Variants in SGCD observed in about 807,000 individuals in gnomAD.
The protein encoded by SGCD is sarcoglycan delta.
Under a neutral mutation model 36.6 loss-of-function variants are expected in SGCD, and 18 were observed. That is an observed-to-expected ratio of 0.49 (90% CI 0.34 to 0.73). The LOEUF (loss-of-function observed/expected upper bound fraction) is 0.73. SGCD is among the 30% of genes least tolerant of loss of function. SGCD has a pLI of 0.01. For missense variants in SGCD, 387 were observed against 346.7 expected, an observed-to-expected ratio of 1.12 and a Z score of -0.92; for synonymous variants, 133 against 130.6, an observed-to-expected ratio of 1.02 and a Z score of -0.12.
chr5:155,738,842 AGAGT>A, the SGCD span, among the ~76,000 whole-genome samples: 3 of 142,910 alleles, frequency 2.1e-5, no homozygotes, highest in Non-Finnish European at 4.6e-5. Flanking sequence ...AGACTGTGAG[AGAGT>A]ATGTATATGA....
chr5:155,804,213 T>C, the SGCD span, among the ~76,000 whole-genome samples: 2 of 152,198 alleles, frequency 1.3e-5, no homozygotes, highest in African/African-American at 4.8e-5. Context: ...AGTCTCTGTC[T>C]TCAAAGCATA....
At chr5:156,546,130 A>T (rs1380869447) in intron 4 of SGCD, among the ~76,000 whole-genome samples, 1 of 152,174 alleles carries the variant, frequency 6.6e-6, no homozygotes, top group African/African-American at 2.4e-5. Flanking sequence ...GCAATAAAAA[A>T]CACACCTACT....
At position 156,579,161 on chromosome 5, in the gene SGCD, C is replaced by T. The variant is rs531582307; in HGVS notation, c.295-10070C>T. ...AACATCCTTATTTCTGCCTTCATTT[C>T]GTGATGTACCCAGTAGTCATTCAGG... On this transcript the variant is annotated intron_variant, in intron 4 of 8. Coordinates refer to ENST00000337851, the MANE Select transcript of SGCD (RefSeq NM_000337.6). Among the ~76,000 whole-genome samples, 89 of 152,258 alleles carry T rather than the reference C, an allele frequency of 5.8e-4. 1 individual carries two copies. The highest frequency in any genetic ancestry group is 1.9e-3 in the African/African-American group (78 of 41,548).
chr5:156,592,920 T>C lies in SGCD; in HGVS notation c.383-2012T>C, dbSNP rs192093101. 2.0e-5 allele frequency among the ~76,000 whole-genome samples: 3 copies of C among 152,296 alleles called. No individual in the cohort carries two copies. In the East Asian group the frequency reaches 5.8e-4, roughly 29 times the overall value. On this transcript the variant is annotated intron_variant, in intron 5 of 8. Coordinates refer to ENST00000337851, the MANE Select transcript of SGCD (RefSeq NM_000337.6). ...TATGTGAGTAAGGAGAGTGCACTAATAAGTACTCATCATGCATTCTTTTCC... is the reference window on the plus strand; with the variant it reads ...TATGTGAGTAAGGAGAGTGCACTAACAAGTACTCATCATGCATTCTTTTCC...
At chr5:156,693,527 T>C (rs1754194073) in intron 7 of SGCD, among the ~76,000 whole-genome samples, 1 of 152,100 alleles carries the variant, frequency 6.6e-6, no homozygotes, top group Non-Finnish European at 1.5e-5. Flanking sequence ...TATGAGAAAA[T>C]ACTCTTTAGG....
chr5:156,232,507 T>C (rs971390063), intron 3 of SGCD, among the ~76,000 whole-genome samples: 3 of 152,214 alleles, frequency 2.0e-5, no homozygotes, highest in African/African-American at 7.2e-5. Context: ...ACACTCTATC[T>C]GGTGACTTAA....
the SGCD span, among the ~76,000 whole-genome samples, chr5:155,765,304 G>A: frequency 6.8e-6 from 1 of 146,326 alleles, no homozygotes; most frequent in East Asian, 2.1e-4. Context: ...AAGAAAGAAA[G>A]AAAAAGGAAG....
chr5:156,160,544 G>C (rs1459697821), intron 3 of SGCD, among the ~76,000 whole-genome samples: 1 of 151,580 alleles, frequency 6.6e-6, no homozygotes, highest in Admixed American at 6.6e-5. Context: ...ATATAAGAGG[G>C]TATCTCTTAT....
At chr5:156,316,776 G>A (rs145320301) in intron 3 of SGCD, among the ~76,000 whole-genome samples, 1 of 152,036 alleles carries the variant, frequency 6.6e-6, no homozygotes, top group African/African-American at 2.4e-5. Flanking sequence ...TGGGAACTAA[G>A]AGTGAAACCT....
At chr5:156,114,822 G>C (rs1761871904) in intron 1 of SGCD, among the ~76,000 whole-genome samples, 1 of 151,964 alleles carries the variant, frequency 6.6e-6, no homozygotes, top group South Asian at 2.1e-4. Context: ...CTTGCCATAG[G>C]ACAGATTCCT....
chr5:156,739,641 T>A (rs1255210460), intron 7 of SGCD: 1 of 152,160 alleles, frequency 6.6e-6, no homozygotes, highest in Non-Finnish European at 1.5e-5. Context: ...CTTTATAAAC[T>A]GTGTGTATTT....
chr5:156,506,669 G>A (rs1756712146), intron 3 of SGCD, among the ~76,000 whole-genome samples: 1 of 151,946 alleles, frequency 6.6e-6, no homozygotes. Flanking sequence ...AAAATTATAG[G>A]GATAATAATT....
chr5:156,677,447 C>A (rs1753557591), intron 7 of SGCD, among the ~76,000 whole-genome samples: 1 of 152,022 alleles, frequency 6.6e-6, no homozygotes, highest in Non-Finnish European at 1.5e-5. Flanking sequence ...GGACAGAAAA[C>A]CAAACACCAC....
At chr5:155,867,182 T>C (rs1230117598), upstream of SGCD, among the ~76,000 whole-genome samples, 3 of 152,106 alleles carry the variant, frequency 2.0e-5, no homozygotes, top group Non-Finnish European at 2.9e-5. Flanking sequence ...CTGACATTGG[T>C]AGTGAATGCA....
chr5:156,079,084 G>T (rs1581085360), intron 1 of SGCD, among the ~76,000 whole-genome samples: 1 of 151,478 alleles, frequency 6.6e-6, no homozygotes, highest in Non-Finnish European at 1.5e-5. Context: ...TAGGTAGCAT[G>T]TCACTGAACA....
At chr5:156,199,603 G>T (rs949476252) in intron 3 of SGCD, among the ~76,000 whole-genome samples, 4 of 152,038 alleles carry the variant, frequency 2.6e-5, no homozygotes, top group Admixed American at 2.6e-4. Flanking sequence ...CCATCTTTTG[G>T]CTTTCTCTGC....
chr5:156,334,397 C>A lies in SGCD; in HGVS notation c.3+4818C>A, dbSNP rs77092270. Among the ~76,000 whole-genome samples, 207 of 152,270 alleles carry A rather than the reference C, an allele frequency of 1.4e-3. 1 individual carries two copies. Among genetic ancestry groups the A allele is most frequent in the African/African-American group, 4.8e-3 (200 of 41,548 alleles). On this transcript the variant is annotated intron_variant, in intron 2 of 8. Coordinates refer to ENST00000337851, the MANE Select transcript of SGCD (RefSeq NM_000337.6). ...GATGTTTGAAATTATTTTTGCTGCCCAAGGGCATTCAGTTCACATATTCTT... is the reference window on the plus strand; with the variant it reads ...GATGTTTGAAATTATTTTTGCTGCCAAAGGGCATTCAGTTCACATATTCTT...
At position 155,876,044 on chromosome 5, in the gene SGCD, T is replaced by A. The variant is rs149672543; in HGVS notation, c.-282+5620T>A. 4.1e-3 allele frequency among the ~76,000 whole-genome samples: 614 copies of A among 151,026 alleles called. 6 individuals carry two copies. The highest frequency in any genetic ancestry group is 0.024 in the Middle Eastern group (7 of 294). ...TTTTCTTGGTCCTCTTGTTTTATTTTTTTATTTATTTTTTTTTATTATACT... is the reference window on the plus strand; with the variant it reads ...TTTTCTTGGTCCTCTTGTTTTATTTATTTATTTATTTTTTTTTATTATACT... On this transcript the variant is annotated intron_variant, in intron 1 of 9. Coordinates refer to the SGCD transcript ENST00000517913.
chr5:156,472,499 C>T (rs969371785), intron 3 of SGCD, among the ~76,000 whole-genome samples: 4 of 152,144 alleles, frequency 2.6e-5, no homozygotes, highest in Admixed American at 2.0e-4. Flanking sequence ...CTTACTGCAA[C>T]CTCTGCCTCC....
Sources: gnomAD v4.1 joint callset for allele counts (sites outside exome capture counted in the v4.1 genomes callset) on GRCh38, gnomAD v4.1.1 for gene constraint, MANE v1.5 for transcripts, NCBI Gene and HGNC (gene_info 2026-07-23, HGNC 2026-07-21) for gene names.